The following TRPM8 variants were observed in gnomAD, a reference collection of about 807,000 sequenced individuals.
The protein encoded by TRPM8 is transient receptor potential cation channel subfamily M member 8.
Under a neutral mutation model 133.7 loss-of-function variants are expected in TRPM8, and 110 were observed. The observed-to-expected ratio is 0.82, with a 90% CI of 0.70 to 0.96. The LOEUF is 0.96. Ranked by LOEUF, TRPM8 falls within the 40% of genes least tolerant of loss-of-function variation. TRPM8 has a pLI of 0.00. For missense variants in TRPM8, 1,291 were observed against 1,379.5 expected (o/e 0.94, Z 1.02); for synonymous variants, 535 against 532.3 (o/e 1.01, Z -0.07).
At chr2:233,974,277 G>T (rs920402026) in intron 17 of TRPM8, among the ~76,000 whole-genome samples, 1 of 151,640 alleles carries the variant, frequency 6.6e-6, no homozygotes, top group Non-Finnish European at 1.5e-5. Context: ...TCTGTTGCCC[G>T]GGCTGGAGTG....
intron 3 of TRPM8, among the ~76,000 whole-genome samples, chr2:233,932,272 C>T (rs1691695663): frequency 6.6e-6 from 1 of 152,190 alleles, no homozygotes; most frequent in South Asian, 2.1e-4. Flanking sequence ...GGGCTCTTCA[C>T]TATTGGAGGC....
In TRPM8 at chr2:233,960,820, C is replaced by G. The variant is rs1381455458; in HGVS notation, c.1407C>G (p.Asp469Glu). ...QEVMFTALIK[D>E]RPKFVRLFLE... is the part of the protein sequence containing the mutation. ...TCATGTTTACGGCTCTCATAAAGGA[C>G]AGACCCAAGTTTGTCCGCCTCTTTC... The change falls in exon 12 of 26, where the codon GAC becomes GAG. Residue 469 changes from aspartate to glutamate, a missense_variant. Asp to Glu is a conservative substitution (Grantham distance 45). Around this residue, in one of 2 missense-constraint regions of TRPM8, gnomAD observed 963 missense variants for 968.9 expected, o/e 0.99. Transcript: ENST00000324695. The G allele has an allele frequency of 1.2e-6, 2 of 1,614,028 alleles. No individual in the cohort carries two copies. The highest frequency in any genetic ancestry group is 2.7e-5 in the African/African-American group (2 of 74,906).
intron 9 of TRPM8, among the ~76,000 whole-genome samples, chr2:233,952,674 G>A (rs910170934): frequency 6.6e-6 from 1 of 151,692 alleles, no homozygotes; most frequent in East Asian, 1.9e-4. Flanking sequence ...GGGAAAAAAC[G>A]AGATGGAAGT....
At chr2:233,924,023 C>T (rs529191295) in intron 1 of TRPM8, among the ~76,000 whole-genome samples, 3 of 152,092 alleles carry the variant, frequency 2.0e-5, no homozygotes, top group Non-Finnish European at 2.9e-5. Context: ...CTAATAAAAA[C>T]AACTACTTTT....
chr2:233,990,414 T>C (rs1306824769), intron 21 of TRPM8, among the ~76,000 whole-genome samples: 2 of 152,182 alleles, frequency 1.3e-5, no homozygotes, highest in Non-Finnish European at 2.9e-5. Flanking sequence ...TACTGGGGGA[T>C]CTCCCTTTAT....
At chr2:233,924,154 A>G (rs1475799770) in intron 1 of TRPM8, among the ~76,000 whole-genome samples, 2 of 152,184 alleles carry the variant, frequency 1.3e-5, no homozygotes, top group African/African-American at 2.4e-5. Context: ...TTCTCCTGAC[A>G]CTGACAGATA....
chr2:233,927,908 T>TTC (rs1253864335), intron 2 of TRPM8, among the ~76,000 whole-genome samples: 1 of 38,872 alleles, frequency 2.6e-5, no homozygotes, highest in African/African-American at 2.0e-4. Context: ...CTTTCTTTCT[T>TTC]TCTCTCTCTC....
chr2:233,975,759 G>A (rs774752660), intron 17 of TRPM8, among the ~76,000 whole-genome samples: 10 of 152,226 alleles, frequency 6.6e-5, no homozygotes, highest in Non-Finnish European at 1.3e-4. Flanking sequence ...GCGCGTGCCT[G>A]TAATCCCAGC....
At chr2:233,936,424 A>AT (rs1296833606) in intron 3 of TRPM8, among the ~76,000 whole-genome samples, 13 of 152,222 alleles carry the variant, frequency 8.5e-5, no homozygotes, top group African/African-American at 2.9e-4. Context: ...GTTCCATTGC[A>AT]TTTTTAACGA....
intron 15 of TRPM8, among the ~76,000 whole-genome samples, chr2:233,969,386 C>T (rs1025997087): frequency 5.9e-5 from 9 of 151,816 alleles, no homozygotes; most frequent in African/African-American, 1.9e-4. Context: ...ACTCGGGAGG[C>T]TGAGGCAGGA....
chr2:233,949,831 G>C, intron 8 of TRPM8, 118 bp from the exon 9 acceptor site: 1 of 816,808 alleles, frequency 1.2e-6, no homozygotes, highest in Non-Finnish European at 1.9e-6. Flanking sequence ...AAGCCCCAAA[G>C]GAAAACGTGT....
intron 3 of TRPM8, among the ~76,000 whole-genome samples, chr2:233,935,867 G>T (rs985696410): frequency 1.3e-4 from 20 of 152,194 alleles, no homozygotes; most frequent in Non-Finnish European, 2.9e-5. Flanking sequence ...GGTGGTTGTT[G>T]TTCCTGTCTT....
At chr2:233,956,054 G>A (rs1275181805) in intron 11 of TRPM8, among the ~76,000 whole-genome samples, 1 of 152,116 alleles carries the variant, frequency 6.6e-6, no homozygotes, top group African/African-American at 2.4e-5. Context: ...CAAGCTTGGG[G>A]TTCCCACTGG....
At chr2:233,969,573 G>T (rs1691656114) in intron 15 of TRPM8, 122 bp from the exon 16 acceptor site, 5 of 663,096 alleles carry the variant, frequency 7.5e-6, no homozygotes, top group South Asian at 1.8e-5. Context: ...AAAGAATAAT[G>T]ACATTAATTC....
intron 18 of TRPM8, among the ~76,000 whole-genome samples, chr2:233,981,198 C>T (rs1691998219): frequency 6.6e-6 from 1 of 152,134 alleles, no homozygotes; most frequent in Admixed American, 6.5e-5. Context: ...GGGGTAAAAA[C>T]ATCAATTTCC....
At chr2:233,993,846 C>T (rs1692341333) in intron 21 of TRPM8, among the ~76,000 whole-genome samples, 1 of 152,144 alleles carries the variant, frequency 6.6e-6, no homozygotes. Flanking sequence ...AATAATACCT[C>T]AGAAAACAAC....
chr2:233,943,358 C>T (rs1050059396), intron 6 of TRPM8, among the ~76,000 whole-genome samples: 6 of 152,166 alleles, frequency 3.9e-5, no homozygotes, highest in African/African-American at 1.2e-4. Context: ...GAAAATGTGG[C>T]ACATATACAC....
At position 233,960,805 on chromosome 2, in the gene TRPM8, G is replaced by C. The variant is rs758752433; in HGVS notation, c.1392G>C (p.Thr464=). 2 of 1,614,034 alleles carry C rather than the reference G, an allele frequency of 1.2e-6. No homozygotes were observed. The highest frequency in any genetic ancestry group is 8.5e-7 in the Non-Finnish European group (1 of 1,179,996). The change falls in exon 12 of 26, where the codon ACG becomes ACC. Residue 464 remains threonine, a synonymous_variant. Coordinates refer to ENST00000324695, the MANE Select transcript of TRPM8 (RefSeq NM_024080.5). ...CTGACCTTCAAGAAGTCATGTTTAC[G>C]GCTCTCATAAAGGACAGACCCAAGT... is the stretch of plus-strand genomic sequence containing the variant. ...ESADLQEVMF[T]ALIKDRPKFV...
chr2:233,969,902 C>T, intron 16 of TRPM8, 95 bp downstream of exon 16: 3 of 878,934 alleles, frequency 3.4e-6, no homozygotes, highest in Non-Finnish European at 5.6e-6. Context: ...GATTAAAAAG[C>T]CTGGAACTTA....
Sources: allele counts gnomAD v4.1 joint callset (sites outside exome capture counted in the v4.1 genomes callset), GRCh38; gene constraint gnomAD v4.1.1; regional missense constraint gnomAD v4.1.1; transcripts MANE v1.5; gene names NCBI Gene and HGNC (gene_info 2026-07-23, HGNC 2026-07-21).